PTPRD: variants seen among roughly 807,000 people sequenced by gnomAD.
PTPRD encodes protein tyrosine phosphatase receptor type D, also known as receptor-type tyrosine-protein phosphatase delta.
Under a neutral mutation model 214.5 loss-of-function variants are expected in PTPRD, and 34 were observed. The ratio of observed to expected loss-of-function variants is 0.16; its 90% CI spans 0.12 to 0.21. PTPRD has a LOEUF of 0.21. Ranked by LOEUF, PTPRD falls within the 10% of genes least tolerant of loss-of-function variation. PTPRD has a pLI of 1.00. For missense variants in PTPRD, 2,545 were observed against 2,398.7 expected, an observed-to-expected ratio of 1.06 and a Z score of -1.27; for synonymous variants, 1,128 against 845.7, an observed-to-expected ratio of 1.33 and a Z score of -5.79.
rs184032745 is a variant in PTPRD, at chr9:9,938,497, C to T, written c.-368+10G>A. 1.3e-5 allele frequency: 2 copies of T among 152,286 alleles called. No homozygotes were observed. The highest frequency in any genetic ancestry group is 2.9e-5 in the Non-Finnish European group (2 of 68,034). The allele number at this position is 152,286 out of a possible 1,614,324, so 9.4% of individuals were successfully genotyped here. ...TGGGAAACTAGCATACCCAGTCATA[C>T]TGAACTCACCTGGAGCCGAAGCCCA... On this transcript the variant is annotated intron_variant, in intron 5 of 45. Coordinates refer to ENST00000381196, the MANE Select transcript of PTPRD (RefSeq NM_002839.4).
intron 11 of PTPRD, among the ~76,000 whole-genome samples, chr9:8,977,848 G>A (rs1356782634): frequency 6.6e-6 from 1 of 151,824 alleles, no homozygotes; most frequent in Non-Finnish European, 1.5e-5. Context: ...GACTGAGGGA[G>A]GTAGAAAATG....
At chr9:8,920,235 G>A (rs561316067) in intron 11 of PTPRD, among the ~76,000 whole-genome samples, 1 of 151,936 alleles carries the variant, frequency 6.6e-6, no homozygotes, top group Non-Finnish European at 1.5e-5. Flanking sequence ...TAGCTACTTG[G>A]GGGGCTGAGG....
chr9:9,737,861 C>T (rs2098327745), intron 6 of PTPRD, among the ~76,000 whole-genome samples: 1 of 152,094 alleles, frequency 6.6e-6, no homozygotes, highest in African/African-American at 2.4e-5. Flanking sequence ...TTAGGAATTT[C>T]AGGGTCATCT....
chr9:8,730,725 T>C (rs1386355848), intron 12 of PTPRD, among the ~76,000 whole-genome samples: 3 of 152,196 alleles, frequency 2.0e-5, no homozygotes, highest in African/African-American at 7.2e-5. Flanking sequence ...AGGATTACAT[T>C]ACTATAATCT....
intron 2 of PTPRD, among the ~76,000 whole-genome samples, chr9:10,505,417 G>A (rs1393554477): frequency 6.6e-6 from 1 of 152,132 alleles, no homozygotes; most frequent in Non-Finnish European, 1.5e-5. Flanking sequence ...CTTTAAGAAT[G>A]CTGACTGCCA....
At chr9:8,810,991 T>C (rs72702368) in intron 11 of PTPRD, among the ~76,000 whole-genome samples, 12,184 of 152,148 alleles carry the variant, frequency 0.08, 506 homozygotes, top group Middle Eastern at 0.19. Context: ...CTTCCTCGGT[T>C]TGGGAGAAAG....
At chr9:9,372,759 C>A (rs770255429) in intron 9 of PTPRD, among the ~76,000 whole-genome samples, 1 of 152,056 alleles carries the variant, frequency 6.6e-6, no homozygotes, top group Non-Finnish European at 1.5e-5. Flanking sequence ...ACTGGTTGTT[C>A]CTTTCCATGT....
intron 36 of PTPRD, among the ~76,000 whole-genome samples, chr9:8,395,064 A>G (rs760163033): frequency 5.9e-5 from 9 of 152,152 alleles, no homozygotes; most frequent in Non-Finnish European, 1.0e-4. Context: ...GCTCCAACTC[A>G]CAATTTGGCT....
intron 11 of PTPRD, among the ~76,000 whole-genome samples, chr9:8,865,792 C>G (rs1164647984): frequency 6.6e-6 from 1 of 152,130 alleles, no homozygotes; most frequent in Non-Finnish European, 1.5e-5. Context: ...CTGAAAGGTA[C>G]AACGACCTAG....
At chr9:9,424,456 T>C (rs370677631) in intron 8 of PTPRD, among the ~76,000 whole-genome samples, 9 of 152,268 alleles carry the variant, frequency 5.9e-5, no homozygotes, top group African/African-American at 1.9e-4. Context: ...AGAAATTCCA[T>C]AGTTCACTGG....
At chr9:9,654,243 G>A (rs951412132) in intron 7 of PTPRD, among the ~76,000 whole-genome samples, 1 of 152,060 alleles carries the variant, frequency 6.6e-6, no homozygotes, top group Non-Finnish European at 1.5e-5. Context: ...TCTTTAGTAA[G>A]AGTGAGAAGC....
At chr9:9,824,048 G>T (rs1330380343) in intron 5 of PTPRD, among the ~76,000 whole-genome samples, 1 of 151,814 alleles carries the variant, frequency 6.6e-6, no homozygotes, top group Non-Finnish European at 1.5e-5. Flanking sequence ...TCAACTCTTA[G>T]TTTCATGCAC....
intron 12 of PTPRD, 69 bp from the exon 13 acceptor site, chr9:8,636,913 G>T: frequency 6.7e-7 from 1 of 1,502,466 alleles, no homozygotes. Flanking sequence ...TACTACCGCT[G>T]CTCTCCCCAC....
intron 5 of PTPRD, among the ~76,000 whole-genome samples, chr9:9,897,935 TA>T (rs1179849852): frequency 1.3e-5 from 2 of 151,474 alleles, no homozygotes; most frequent in African/African-American, 2.4e-5. Context: ...GACGGCAGTG[TA>T]AAAAGGCCAC....
chr9:9,085,557 T>G (rs2099765866), intron 10 of PTPRD, among the ~76,000 whole-genome samples: 2 of 152,038 alleles, frequency 1.3e-5, no homozygotes. Context: ...TTTTTTTCCC[T>G]CTTATAAATA....
intron 9 of PTPRD, among the ~76,000 whole-genome samples, chr9:9,288,480 A>C (rs907534038): frequency 1.3e-5 from 2 of 151,838 alleles, no homozygotes; most frequent in African/African-American, 4.8e-5. Flanking sequence ...ATTAACCAGC[A>C]CTTGGCCTTT....
chr9:9,080,583 T>C (rs1306906644), intron 10 of PTPRD, among the ~76,000 whole-genome samples: 1 of 152,048 alleles, frequency 6.6e-6, no homozygotes, highest in African/African-American at 2.4e-5. Context: ...GCAGTAGAGA[T>C]AGCATGTGAC....
intron 7 of PTPRD, among the ~76,000 whole-genome samples, chr9:9,660,361 G>C (rs1408685443): frequency 6.6e-6 from 1 of 151,982 alleles, no homozygotes; most frequent in African/African-American, 2.4e-5. Flanking sequence ...ACAGGTTAAA[G>C]AGTTATTTCA....
chr9:9,269,595 T>C (rs555968963), intron 9 of PTPRD, among the ~76,000 whole-genome samples: 11 of 151,468 alleles, frequency 7.3e-5, no homozygotes, highest in Non-Finnish European at 1.3e-4. Flanking sequence ...CAAGATAAAA[T>C]ATAAGTGTTC....
Sources: allele counts gnomAD v4.1 joint callset (sites outside exome capture counted in the v4.1 genomes callset), GRCh38; gene constraint gnomAD v4.1.1; transcripts MANE v1.5; gene names NCBI Gene and HGNC (gene_info 2026-07-23, HGNC 2026-07-21).